TECR: variants seen among roughly 807,000 people sequenced by gnomAD.
TECR encodes trans-2,3-enoyl-CoA reductase, also known as very-long-chain enoyl-CoA reductase.
Under a neutral mutation model 50.6 loss-of-function variants are expected in TECR, and 19 were observed. The ratio of observed to expected loss-of-function variants is 0.38; its 90% CI spans 0.26 to 0.55. TECR has a LOEUF of 0.55. Among genes scored for constraint, TECR ranks in the 20% least tolerant of loss-of-function variants. The pLI, the probability that TECR is intolerant of heterozygous loss-of-function variation, is 0.79. For synonymous variants in TECR, 168 were observed against 163.5 expected, an observed-to-expected ratio of 1.03 and a Z score of -0.21; for missense variants, 313 against 408.3, an observed-to-expected ratio of 0.77 and a Z score of 2.01.
intron 1 of TECR, chr19:14,532,038 A>G (rs2072690633): frequency 6.7e-6 from 1 of 150,250 alleles, no homozygotes; most frequent in Non-Finnish European, 1.5e-5. Context: ...AAAAGCTACC[A>G]TGTCCAGCTT....
chr19:14,531,401 T>G (rs1334465625), intron 1 of TECR: 1 of 152,076 alleles, frequency 6.6e-6, no homozygotes, highest in Non-Finnish European at 1.5e-5. Flanking sequence ...TTGCTACTAT[T>G]TTTGGAAATT....
intron 1 of TECR, chr19:14,562,137 C>T (rs537107024): frequency 3.6e-6 from 2 of 561,722 alleles, no homozygotes; most frequent in Non-Finnish European, 6.4e-6. Flanking sequence ...TGGCATGGCT[C>T]CTGGGGGGCG....
In TECR at chr19:14,553,511, G is replaced by A. The variant is rs1346304478; in HGVS notation, c.16-9014G>A. Reference sequence around the variant, plus strand: ...GAGGTCATACACTGAGGCCACTGGGGAAGGTGGTATTTCTGGCCGAGCAGG... The same window carrying A: ...GAGGTCATACACTGAGGCCACTGGGAAAGGTGGTATTTCTGGCCGAGCAGG... On this transcript the variant is annotated intron_variant, in intron 1 of 12. Transcript: ENST00000215567. Among the ~76,000 whole-genome samples, 3 of 152,182 alleles carry A rather than the reference G, an allele frequency of 2.0e-5. No individual in the cohort carries two copies. In the East Asian group the frequency reaches 5.8e-4, roughly 29 times the overall value.
At chr19:14,564,149 C>T (rs1413508299) in intron 6 of TECR, 33 bp from the exon 7 acceptor site, 1 of 1,605,690 alleles carries the variant, frequency 6.2e-7, no homozygotes, top group South Asian at 1.1e-5. Context: ...ACCTGCCGGA[C>T]CAGCCCCAGC....
chr19:14,541,478 C>G (rs902340151), intron 1 of TECR, among the ~76,000 whole-genome samples: 3 of 152,246 alleles, frequency 2.0e-5, no homozygotes, highest in South Asian at 2.1e-4. Context: ...GACCCTGCCT[C>G]TGTTTTCCAG....
At chr19:14,546,605 G>C (rs187654103) in intron 1 of TECR, among the ~76,000 whole-genome samples, 1 of 152,182 alleles carries the variant, frequency 6.6e-6, no homozygotes, top group South Asian at 2.1e-4. Context: ...TGGCCTGGCT[G>C]CATGCACTAC....
chr19:14,551,197 T>G (rs1473574052), intron 1 of TECR, among the ~76,000 whole-genome samples: 2 of 151,886 alleles, frequency 1.3e-5, no homozygotes, highest in Non-Finnish European at 2.9e-5. Context: ...CTCAGGCTCC[T>G]GAGTAGCTGG....
At chr19:14,538,241 A>G (rs2072974394) in intron 1 of TECR, among the ~76,000 whole-genome samples, 1 of 152,092 alleles carries the variant, frequency 6.6e-6, no homozygotes, top group Non-Finnish European at 1.5e-5. Flanking sequence ...GCACTGGGGA[A>G]AGAATCAAGT....
intron 1 of TECR, among the ~76,000 whole-genome samples, chr19:14,553,948 G>A (rs533923503): frequency 6.6e-6 from 1 of 152,294 alleles, no homozygotes; most frequent in South Asian, 2.1e-4. Flanking sequence ...CAGGCCTCTT[G>A]TGCCCCAGAC....
At chr19:14,548,489 G>C (rs2073379122) in intron 1 of TECR, among the ~76,000 whole-genome samples, 1 of 152,180 alleles carries the variant, frequency 6.6e-6, no homozygotes, top group African/African-American at 2.4e-5. Flanking sequence ...CCGTTACCAG[G>C]CCTAAGCCAG....
chr19:14,551,359 G>A (rs1176441289), intron 1 of TECR, among the ~76,000 whole-genome samples: 3 of 152,134 alleles, frequency 2.0e-5, no homozygotes, highest in African/African-American at 7.2e-5. Flanking sequence ...ACAGGCGTGA[G>A]CCACTGCACC....
At chr19:14,550,535 T>C (rs1457804284) in intron 1 of TECR, among the ~76,000 whole-genome samples, 2 of 152,124 alleles carry the variant, frequency 1.3e-5, no homozygotes, top group African/African-American at 4.8e-5. Context: ...GAGACCCAGG[T>C]GTCGTCCCCA....
intron 1 of TECR, among the ~76,000 whole-genome samples, chr19:14,540,347 C>A (rs1242717409): frequency 6.6e-6 from 1 of 151,872 alleles, no homozygotes; most frequent in Non-Finnish European, 1.5e-5. Context: ...GGATTACAGG[C>A]GTGAGCCACT....
chr19:14,547,335 T>C (rs1219785477), intron 1 of TECR, among the ~76,000 whole-genome samples: 3 of 149,922 alleles, frequency 2.0e-5, no homozygotes, highest in Non-Finnish European at 4.5e-5. Context: ...TGAGCCACCG[T>C]ACCTGGCCTA....
chr19:14,555,438 C>CTTTTTTT (rs747503834), intron 1 of TECR, among the ~76,000 whole-genome samples: 1 of 92,902 alleles, frequency 1.1e-5, no homozygotes. Context: ...TTTATTTATT[C>CTTTTTTT]TTTTTTTTTT....
chr19:14,563,604 G>A lies in TECR; in HGVS notation c.119-54G>A. ...AAGCTGGCACAGTGGCTGGGCAGCG[G>A]ACCGGCTGAGCCCTGCCAGGCTGTG... On this transcript the variant is annotated intron_variant, in intron 3 of 12. Coordinates refer to ENST00000215567, the MANE Select transcript of TECR (RefSeq NM_138501.6). This position sits in a 1 kb window ranked among gnomAD's most constrained non-coding sequence, Gnocchi z 5.3. 6.2e-7 allele frequency: 1 copy of A among 1,607,990 alleles called. No homozygotes were observed. Among genetic ancestry groups the A allele is most frequent in the Non-Finnish European group, 8.5e-7 (1 of 1,178,434 alleles).
At chr19:14,553,806 C>G (rs1344593204) in intron 1 of TECR, among the ~76,000 whole-genome samples, 1 of 152,110 alleles carries the variant, frequency 6.6e-6, no homozygotes, top group Non-Finnish European at 1.5e-5. Flanking sequence ...GGAGCTCAGG[C>G]GATGAGTGCA....
intron 7 of TECR, 104 bp from the exon 8 acceptor site, chr19:14,564,682 T>G: frequency 5.1e-6 from 4 of 776,848 alleles, no homozygotes; most frequent in East Asian, 4.4e-5. Flanking sequence ...AGGCCCCTCC[T>G]GTCCTTTCCC....
intron 1 of TECR, among the ~76,000 whole-genome samples, chr19:14,556,413 A>AAAAAAAAAAAACAAAAAC (rs142293376): frequency 1.2e-5 from 1 of 86,514 alleles, no homozygotes; most frequent in African/African-American, 3.1e-5. Flanking sequence ...TCTCTCAAAA[A>AAAAAAAAAAAACAAAAAC]AAAAACAAAA....
Sources: gnomAD v4.1 joint callset for allele counts (sites outside exome capture counted in the v4.1 genomes callset) on GRCh38, gnomAD v4.1.1 for gene constraint, Gnocchi (gnomAD v3.1) non-coding constraint, MANE v1.5 for transcripts, NCBI Gene and HGNC (gene_info 2026-07-23, HGNC 2026-07-21) for gene names.